Variants in AKAP6 observed in about 807,000 individuals in gnomAD.
AKAP6 encodes the protein A-kinase anchoring protein 6.
In AKAP6, 58 loss-of-function variants were observed where a neutral mutation model predicts 188.5. The observed-to-expected ratio is 0.31, with a 90% CI of 0.25 to 0.38. The LOEUF (loss-of-function observed/expected upper bound fraction) is 0.38, where lower values mean the gene tolerates loss of function less well. Among genes scored for constraint, AKAP6 ranks in the 10% least tolerant of loss-of-function variants. The probability of loss-of-function intolerance (pLI) is 1.00; values close to 1 mark genes in which losing one functional copy is unlikely to be tolerated. For synonymous variants in AKAP6, 989 were observed against 998.6 expected (o/e 0.99, Z 0.18); for missense variants, 2,710 against 2,740.0 (o/e 0.99, Z 0.24).
At chr14:32,509,120 CTT>C (rs368423502) in intron 2 of AKAP6, among the ~76,000 whole-genome samples, 42 of 94,768 alleles carry the variant, frequency 4.4e-4, no homozygotes, top group Middle Eastern at 9.1e-3. Flanking sequence ...TGCCCTGCCT[CTT>C]TTTTTTTTTT....
At chr14:32,800,237 T>A (rs1456383984) in intron 12 of AKAP6, among the ~76,000 whole-genome samples, 2 of 146,976 alleles carry the variant, frequency 1.4e-5, no homozygotes, top group African/African-American at 5.1e-5. Context: ...TATACAAAAA[T>A]ATATATATAC....
At chr14:32,624,928 G>T (rs1013542683) in intron 7 of AKAP6, among the ~76,000 whole-genome samples, 1 of 151,900 alleles carries the variant, frequency 6.6e-6, no homozygotes, top group Non-Finnish European at 1.5e-5. Context: ...ATTTATGAAG[G>T]GTTTGTGTGT....
At chr14:32,782,926 A>G (rs2033296540) in intron 12 of AKAP6, among the ~76,000 whole-genome samples, 1 of 152,102 alleles carries the variant, frequency 6.6e-6, no homozygotes, top group Admixed American at 6.6e-5. Flanking sequence ...TCATTTGGAA[A>G]TGCAAAGGAC....
chr14:32,578,492 C>T (rs1403164033), intron 5 of AKAP6, among the ~76,000 whole-genome samples: 1 of 152,090 alleles, frequency 6.6e-6, no homozygotes. Flanking sequence ...ACTCATTTCC[C>T]TGTTGAGTAG....
intron 8 of AKAP6, among the ~76,000 whole-genome samples, chr14:32,686,228 A>G (rs1889920147): frequency 6.6e-6 from 1 of 152,002 alleles, no homozygotes; most frequent in African/African-American, 2.4e-5. Context: ...ATTTTTTGGG[A>G]TCTAAAAATC....
chr14:32,361,316 T>A (rs1407624984), intron 1 of AKAP6, among the ~76,000 whole-genome samples: 1 of 152,090 alleles, frequency 6.6e-6, no homozygotes, highest in Non-Finnish European at 1.5e-5. Context: ...CATGTGCTTA[T>A]GCTTGTATGT....
chr14:32,482,985 GTGTGTATA>G (rs919182664), intron 2 of AKAP6, among the ~76,000 whole-genome samples: 1 of 66,752 alleles, frequency 1.5e-5, no homozygotes, highest in Non-Finnish European at 2.6e-5. Flanking sequence ...GTGTGTGTGT[GTGTGTATA>G]TATATATATA....
intron 11 of AKAP6, among the ~76,000 whole-genome samples, chr14:32,771,931 T>C (rs946559696): frequency 1.3e-5 from 2 of 152,114 alleles, no homozygotes; most frequent in Admixed American, 6.6e-5. Context: ...GGCCGTAATG[T>C]TATCTTGAAG....
At chr14:32,755,351 A>G (rs919064974) in intron 11 of AKAP6, among the ~76,000 whole-genome samples, 2 of 150,276 alleles carry the variant, frequency 1.3e-5, no homozygotes, top group Admixed American at 1.3e-4. Flanking sequence ...TCTTTGGTTC[A>G]TTTTTATTGT....
intron 2 of AKAP6, among the ~76,000 whole-genome samples, chr14:32,532,187 G>A (rs1335587644): frequency 6.6e-6 from 1 of 152,160 alleles, no homozygotes; most frequent in South Asian, 2.1e-4. Context: ...ATTTGAACGG[G>A]TGTAAACTGG....
At chr14:32,522,155 G>T (rs928729634) in intron 2 of AKAP6, among the ~76,000 whole-genome samples, 1 of 152,002 alleles carries the variant, frequency 6.6e-6, no homozygotes, top group African/African-American at 2.4e-5. Flanking sequence ...TCTGAAACTG[G>T]ATCCTTCCTT....
intron 9 of AKAP6, among the ~76,000 whole-genome samples, chr14:32,705,400 A>T (rs1161994328): frequency 6.6e-6 from 1 of 152,150 alleles, no homozygotes; most frequent in Non-Finnish European, 1.5e-5. Context: ...ACAAAAACAG[A>T]TGTTATCTTC....
intron 7 of AKAP6, among the ~76,000 whole-genome samples, chr14:32,637,239 G>A (rs769060833): frequency 3.3e-5 from 5 of 152,046 alleles, no homozygotes; most frequent in African/African-American, 1.2e-4. Flanking sequence ...AGCAGAATGG[G>A]GTAACTGATG....
rs1308649002 is a variant in AKAP6, at chr14:32,540,158, CTCTCTCTCTCTA to C, written c.576+4355_576+4366del. ...TCTCTCTCTCTCTCTCTCTCTCTCTCTCTCTCTCTCTATATATATATATATATATATATATTT... is the reference window on the plus strand; with the variant it reads ...TCTCTCTCTCTCTCTCTCTCTCTCTCTATATATATATATATATATATATTT... On this transcript the variant is annotated intron_variant, in intron 3 of 13. Coordinates refer to ENST00000280979, the MANE Select transcript of AKAP6 (RefSeq NM_004274.5). 6.7e-4 allele frequency among the ~76,000 whole-genome samples: 76 copies of C among 112,752 alleles called. No individual in the cohort carries two copies. The East Asian group carries it at 0.011, about 17-fold the overall frequency. The allele number at this position is 112,752 out of a possible 152,430, so 74.0% of individuals were successfully genotyped here. A position where few individuals can be genotyped will look rare whatever the true frequency, so the allele number is the denominator to read the frequency against.
intron 12 of AKAP6, among the ~76,000 whole-genome samples, chr14:32,792,548 G>A (rs574781043): frequency 7.8e-4 from 118 of 152,190 alleles, no homozygotes; most frequent in African/African-American, 2.7e-3. Context: ...TAAATATACA[G>A]TCATGCCATC....
At chr14:32,557,469 T>C (rs1426633438) in intron 4 of AKAP6, among the ~76,000 whole-genome samples, 1 of 152,216 alleles carries the variant, frequency 6.6e-6, no homozygotes, top group African/African-American at 2.4e-5. Flanking sequence ...ATAAGTCCCA[T>C]TTGAAACACA....
intron 7 of AKAP6, among the ~76,000 whole-genome samples, chr14:32,669,161 C>T (rs1369846098): frequency 6.6e-6 from 1 of 152,106 alleles, no homozygotes; most frequent in African/African-American, 2.4e-5. Context: ...GTATCATGCA[C>T]AATGTCTTAC....
chr14:32,423,135 A>G (rs1191252120), intron 1 of AKAP6, among the ~76,000 whole-genome samples: 2 of 152,088 alleles, frequency 1.3e-5, no homozygotes, highest in Non-Finnish European at 2.9e-5. Flanking sequence ...GGCCATCTTT[A>G]ATCAGAAATT....
intron 1 of AKAP6, among the ~76,000 whole-genome samples, chr14:32,343,746 CAAAAA>C (rs56376110): frequency 2.7e-5 from 1 of 37,268 alleles, no homozygotes; most frequent in Non-Finnish European, 4.8e-5. Flanking sequence ...GATTCCGTCT[CAAAAA>C]AAAAAAAAAA....
Sources: allele counts gnomAD v4.1 joint callset (sites outside exome capture counted in the v4.1 genomes callset), GRCh38; gene constraint gnomAD v4.1.1; transcripts MANE v1.5; gene names NCBI Gene and HGNC (gene_info 2026-07-23, HGNC 2026-07-21).